The following CDH2 variants were observed in gnomAD, a reference collection of about 807,000 sequenced individuals.
The protein encoded by CDH2 is cadherin 2.
A neutral mutation model predicts 92.0 loss-of-function variants in CDH2; 17 were observed. The ratio of observed to expected loss-of-function variants is 0.18; its 90% CI spans 0.13 to 0.28. The LOEUF is 0.28. CDH2 is among the 10% of genes least tolerant of loss of function. CDH2 has a pLI of 1.00. For missense variants in CDH2, 862 were observed against 1,133.1 expected (o/e 0.76, Z 3.44); for synonymous variants, 419 against 415.9 (o/e 1.01, Z -0.09).
intron 2 of CDH2, among the ~76,000 whole-genome samples, chr18:28,132,838 C>T (rs114779506): frequency 1.5e-3 from 228 of 152,322 alleles, no homozygotes; most frequent in African/African-American, 4.9e-3. Flanking sequence ...TCCATAACTG[C>T]TTAATTCTCC....
intron 1 of CDH2, among the ~76,000 whole-genome samples, chr18:28,148,304 C>T (rs2016069448): frequency 6.6e-6 from 1 of 151,934 alleles, no homozygotes. Context: ...CCAAGTAAAA[C>T]CAATCAAAAC....
At chr18:28,080,411 A>G (rs1234057008) in intron 2 of CDH2, among the ~76,000 whole-genome samples, 1 of 152,210 alleles carries the variant, frequency 6.6e-6, no homozygotes, top group Non-Finnish European at 1.5e-5. Flanking sequence ...TACAGTTCCA[A>G]TGGGTTTCTG....
rs747002190 is a variant in CDH2 at position 28,009,728 on chromosome 18, C to A, written c.691G>T (p.Ala231Ser). 3.1e-6 allele frequency: 5 copies of A among 1,613,716 alleles called. No individual in the cohort carries two copies. Among genetic ancestry groups the A allele is most frequent in the South Asian group, 1.1e-5 (1 of 91,014 alleles). ...GGTTGGAATCTTACATGAAACCGGGCTATCTGCTCGCGATCCAGGGGCTTT... is the reference window on the plus strand; with the variant it reads ...GGTTGGAATCTTACATGAAACCGGGATATCTGCTCGCGATCCAGGGGCTTT... The part of the protein sequence containing the change: ...VTKPLDREQI[A>S]RFHLRAHAVD... Residue 231 changes from alanine (A) to serine (S), a missense_variant, in exon 5 of 16, where the codon GCC (alanine) becomes TCC (serine). Coordinates refer to ENST00000269141, the MANE Select transcript of CDH2 (RefSeq NM_001792.5).
chr18:28,156,400 A>AATGTCACCTTCCCAGGTATAGC (rs2016211296), intron 1 of CDH2, among the ~76,000 whole-genome samples: 1 of 150,662 alleles, frequency 6.6e-6, no homozygotes, highest in African/African-American at 2.5e-5. Flanking sequence ...TGTGGTACAG[A>AATGTCACCTTCCCAGGTATAGC]ATGTCACCTT....
intron 2 of CDH2, among the ~76,000 whole-genome samples, chr18:28,120,856 C>A (rs1435552838): frequency 6.6e-6 from 1 of 152,086 alleles, no homozygotes; most frequent in Non-Finnish European, 1.5e-5. Context: ...GTTTTTATTT[C>A]CTTTGAAAAT....
intron 2 of CDH2, among the ~76,000 whole-genome samples, chr18:28,037,329 A>C (rs186618761): frequency 6.6e-6 from 1 of 152,298 alleles, no homozygotes; most frequent in African/African-American, 2.4e-5. Flanking sequence ...ACACACCATG[A>C]AACTTTCTGA....
intron 2 of CDH2, among the ~76,000 whole-genome samples, chr18:28,071,776 C>T (rs1004796733): frequency 5.9e-5 from 9 of 152,086 alleles, no homozygotes; most frequent in Non-Finnish European, 1.0e-4. Flanking sequence ...GTAATGCTTT[C>T]TCTCCCTTCG....
intron 2 of CDH2, among the ~76,000 whole-genome samples, chr18:28,141,023 TAAC>T (rs1414751324): frequency 1.3e-5 from 2 of 151,626 alleles, no homozygotes; most frequent in Middle Eastern, 3.2e-3. Context: ...TAAAATAAGA[TAAC>T]AAGTGTTGAT....
chr18:28,025,995 A>G (rs1331707609), intron 2 of CDH2, among the ~76,000 whole-genome samples: 1 of 152,124 alleles, frequency 6.6e-6, no homozygotes, highest in East Asian at 1.9e-4. Context: ...TTAATCATTC[A>G]TGGGGGGCAT....
intron 2 of CDH2, among the ~76,000 whole-genome samples, chr18:28,123,772 C>A (rs981777609): frequency 6.6e-6 from 1 of 152,070 alleles, no homozygotes; most frequent in African/African-American, 2.4e-5. Flanking sequence ...CAGACTAAAC[C>A]CCTAACTGTT....
At chr18:28,170,599 C>T (rs983088177) in intron 1 of CDH2, among the ~76,000 whole-genome samples, 1 of 152,116 alleles carries the variant, frequency 6.6e-6, no homozygotes, top group Non-Finnish European at 1.5e-5. Context: ...CCTGCCTTGG[C>T]CTCCCAAAGT....
At chr18:28,102,464 T>C (rs189134267) in intron 2 of CDH2, among the ~76,000 whole-genome samples, 2 of 152,276 alleles carry the variant, frequency 1.3e-5, no homozygotes, top group Admixed American at 6.5e-5. Context: ...TGATTCTATA[T>C]ATCCAGCCCT....
chr18:27,960,043 C>CACACACACACACACAA (rs1011774702), intron 15 of CDH2, among the ~76,000 whole-genome samples: 2 of 151,834 alleles, frequency 1.3e-5, no homozygotes, highest in African/African-American at 2.4e-5. Context: ...CACACACACA[C>CACACACACACACACAA]ACACAAACAC....
In CDH2 at chr18:28,009,709, A is replaced by C. The variant is rs750790571; in HGVS notation, c.702+8T>G. ...ATACACAGAATTATCAGCTGGTTGG[A>C]ATCTTACATGAAACCGGGCTATCTG... On this transcript the variant is annotated splice_region_variant and intron_variant, in intron 5 of 15. Coordinates refer to ENST00000269141, the MANE Select transcript of CDH2 (RefSeq NM_001792.5). 3.1e-6 allele frequency: 5 copies of C among 1,612,998 alleles called. No homozygotes were observed.
intron 13 of CDH2, among the ~76,000 whole-genome samples, chr18:27,984,418 G>T (rs1386737373): frequency 6.6e-6 from 1 of 151,650 alleles, no homozygotes; most frequent in Non-Finnish European, 1.5e-5. Flanking sequence ...TTAAAAAGAA[G>T]CAATTCCTTA....
rs148765298 is a variant in CDH2 at position 28,110,884 on chromosome 18, G to A, written c.172+36789C>T. Among the ~76,000 whole-genome samples the A allele has an allele frequency of 4.0e-3, 606 of 152,150 alleles. 7 individuals are homozygous for A. The highest frequency in any genetic ancestry group is 0.014 in the African/African-American group (587 of 41,522). On this transcript the variant is annotated intron_variant, in intron 2 of 15. Transcript: ENST00000269141. ...CCAAACCACTATTCTCTAAATTGTT[G>A]GTTCTCTTCGCCAAGCCACGCTCTC...
intron 1 of CDH2, among the ~76,000 whole-genome samples, chr18:28,167,287 A>T (rs1450460295): frequency 6.6e-6 from 1 of 152,154 alleles, no homozygotes; most frequent in Admixed American, 6.5e-5. Flanking sequence ...CCAAACTACC[A>T]GAACTATGGC....
At chr18:28,101,265 A>C (rs959635076) in intron 2 of CDH2, among the ~76,000 whole-genome samples, 1 of 152,138 alleles carries the variant, frequency 6.6e-6, no homozygotes, top group African/African-American at 2.4e-5. Context: ...TTTGTTCAAG[A>C]GTATAGTATT....
rs17536855 is a variant in CDH2 at position 28,162,580 on chromosome 18, G to A, written c.60+14383C>T. Among the ~76,000 whole-genome samples, 204 of 152,120 alleles carry A rather than the reference G, an allele frequency of 1.3e-3. 3 individuals are homozygous for A. The highest frequency in any genetic ancestry group is 4.2e-3 in the African/African-American group (173 of 41,506). On this transcript the variant is annotated intron_variant, in intron 1 of 15. Coordinates refer to ENST00000269141, the MANE Select transcript of CDH2 (RefSeq NM_001792.5). ...TTAGATTTTCCCATTCTTAAGCCGA[G>A]TTTGCTCCATGAAACTGAGATCTTT... is the stretch of plus-strand genomic sequence containing the variant.
Sources: gnomAD v4.1 joint callset for allele counts (sites outside exome capture counted in the v4.1 genomes callset) on GRCh38, gnomAD v4.1.1 for gene constraint, MANE v1.5 for transcripts, NCBI Gene and HGNC (gene_info 2026-07-23, HGNC 2026-07-21) for gene names.